The following SMARCA4 variants were observed in gnomAD, a reference collection of about 807,000 sequenced individuals.
SMARCA4 encodes the protein SWI/SNF-related matrix-associated actin-dependent regulator of chromatin subfamily A member 4.
SMARCA4 carries 31 observed loss-of-function variants against 193.9 expected under a neutral mutation model. The observed-to-expected ratio is 0.16, with a 90% CI of 0.12 to 0.22. The LOEUF (loss-of-function observed/expected upper bound fraction) is 0.22, where lower values mean the gene tolerates loss of function less well. Among genes scored for constraint, SMARCA4 ranks in the 10% least tolerant of loss-of-function variants. The pLI, the probability that SMARCA4 is intolerant of heterozygous loss-of-function variation, is 1.00. For synonymous variants in SMARCA4, 942 were observed against 933.1 expected, an observed-to-expected ratio of 1.01 and a Z score of -0.17; for missense variants, 1,148 against 2,296.0, an observed-to-expected ratio of 0.50 and a Z score of 10.22.
rs878854238 is a variant in SMARCA4 at position 10,986,531 on chromosome 19, G to C, written c.698G>C (p.Gly233Ala). The stretch of plus-strand genomic sequence containing the variant: ...GTGTCCGCAACAGGACCCGGCCCTG[G>C]CCCTGGCCCTGGCCCCGGCCCGGGT... ...PSVSATGPGP[G>A]PGPGPGPGPG... The change falls in exon 4 of 35, where the codon GGC becomes GCC. Residue 233 changes from glycine (G) to alanine (A), a missense_variant. This residue lies in a region of SMARCA4 where 257 missense variants were observed against 276.5 expected (regional missense o/e 0.93). Coordinates refer to ENST00000344626, the MANE Select transcript of SMARCA4 (RefSeq NM_003072.5). This position sits in a 1 kb window ranked among gnomAD's most constrained non-coding sequence, Gnocchi z 6.7. The C allele has an allele frequency of 6.5e-7, 1 of 1,541,504 alleles. No individual in the cohort carries two copies. The highest frequency in any genetic ancestry group is 2.0e-5 in the Admixed American group (1 of 50,916).
At chr19:11,046,956 A>G (rs908150993) in intron 30 of SMARCA4, among the ~76,000 whole-genome samples, 27 of 151,656 alleles carry the variant, frequency 1.8e-4, no homozygotes, top group African/African-American at 6.3e-4. Flanking sequence ...TGCAAAAAAA[A>G]AAAAAAAAAA....
At chr19:11,036,246 A>C (rs1233450065) in intron 29 of SMARCA4, among the ~76,000 whole-genome samples, 1 of 152,196 alleles carries the variant, frequency 6.6e-6, no homozygotes, top group African/African-American at 2.4e-5. Flanking sequence ...CCTGTGTGAC[A>C]GCAGAGCTGT....
At position 11,019,588 on chromosome 19, in the gene SMARCA4, C is replaced by T. The variant is rs1060502095; in HGVS notation, c.2506-3C>T. On this transcript the variant is annotated splice_polypyrimidine_tract_variant and splice_region_variant and intron_variant, in intron 17 of 34. Transcript: ENST00000344626. This position sits in a 1 kb window ranked among gnomAD's most constrained non-coding sequence, Gnocchi z 6.1. The stretch of plus-strand genomic sequence containing the variant: ...CGAGCTGTGCATCCTGCTTCCCTTG[C>T]AGGGATCCCCAGCAGCAAGACGGGC... 2.5e-6 allele frequency: 4 copies of T among 1,604,618 alleles called. No individual in the cohort carries two copies. Among genetic ancestry groups the T allele is most frequent in the Non-Finnish European group, 3.4e-6 (4 of 1,173,962 alleles).
At chr19:10,983,393 T>C (rs945979933) in intron 1 of SMARCA4, 1 of 152,130 alleles carries the variant, frequency 6.6e-6, no homozygotes, top group Non-Finnish European at 1.5e-5. Flanking sequence ...GCCATAAATA[T>C]CTGTTTTGGC....
chr19:10,994,121 C>T lies in SMARCA4; in HGVS notation c.1420-707C>T, dbSNP rs957382935. On this transcript the variant is annotated intron_variant, in intron 8 of 34. Transcript: ENST00000344626. ...GTGGTGCGATCTCAGCTCACTGCAACCTCTGTCTCCTGGATTCAAGCGATT... is the reference window on the plus strand; with the variant it reads ...GTGGTGCGATCTCAGCTCACTGCAATCTCTGTCTCCTGGATTCAAGCGATT... 6.6e-5 allele frequency among the ~76,000 whole-genome samples: 10 copies of T among 150,818 alleles called. No individual in the cohort carries two copies. The East Asian group carries it at 1.8e-3, about 27-fold the overall frequency.
At chr19:11,029,013 C>T (rs2090454858) in intron 24 of SMARCA4, among the ~76,000 whole-genome samples, 2 of 152,198 alleles carry the variant, frequency 1.3e-5, no homozygotes, top group Admixed American at 1.3e-4. Context: ...CCAGGTGCCA[C>T]CCGGAGTGTG....
rs755002376 is a variant in SMARCA4, at chr19:11,033,319, C to T, written c.3576C>T (p.Arg1192=). The T allele has an allele frequency of 1.2e-6, 2 of 1,613,080 alleles. No homozygotes were observed. Among genetic ancestry groups the T allele is most frequent in the South Asian group, 2.2e-5 (2 of 91,086 alleles). ...TGCAAGCGCAGGACCGAGCCCACCG[C>T]ATCGGGCAGCAGAACGAGGTGCGTG... ...QDLQAQDRAH[R]IGQQNEVRVL... The change falls in exon 26 of 35, where the codon CGC becomes CGT. Residue 1192 remains arginine (R), a synonymous_variant. Transcript: ENST00000344626. The surrounding 1 kb of genome is among the most constrained non-coding windows in gnomAD (Gnocchi z 9.8).
At chr19:11,022,756 A>C (rs1213620834) in intron 19 of SMARCA4, among the ~76,000 whole-genome samples, 1 of 152,146 alleles carries the variant, frequency 6.6e-6, no homozygotes, top group Non-Finnish European at 1.5e-5. Context: ...CTGCTGGTCA[A>C]GGCAGAGACT....
At position 11,058,161 on chromosome 19, in the gene SMARCA4, C is replaced by A; in HGVS notation, c.4425-94C>A. On this transcript the variant is annotated intron_variant, in intron 30 of 34. Transcript: ENST00000344626. The surrounding 1 kb of genome is among the most constrained non-coding windows in gnomAD (Gnocchi z 5.8). ...TAGCTCCTGAGCTGAGTTGGAATTT[C>A]TCATCCTTAAACAATGTGGGAACCT... The A allele has an allele frequency of 1.2e-6, 1 of 802,722 alleles. No homozygotes were observed. Among genetic ancestry groups the A allele is most frequent in the Non-Finnish European group, 2.2e-6 (1 of 462,392 alleles). 49.7% of individuals were successfully genotyped at this position (802,722 alleles called of 1,614,324 possible).
At chr19:10,994,318 GTTTTTTTTTTT>G (rs1006312137) in intron 8 of SMARCA4, among the ~76,000 whole-genome samples, 3 of 98,908 alleles carry the variant, frequency 3.0e-5, no homozygotes, top group African/African-American at 4.1e-5. Flanking sequence ...GATATTCTAG[GTTTTTTTTTTT>G]TTTTTTTTTT....
chr19:11,060,229 G>T, intron 34 of SMARCA4, 42 bp downstream of exon 34: 1 of 1,549,162 alleles, frequency 6.5e-7, no homozygotes, highest in Non-Finnish European at 8.7e-7. Flanking sequence ...GCATGTGGCA[G>T]GAGGCATCCC....
chr19:11,011,137 C>A (rs1307800292), intron 15 of SMARCA4: 1 of 173,316 alleles, frequency 5.8e-6, no homozygotes, highest in Non-Finnish European at 1.3e-5. Context: ...GGCCTGCCAT[C>A]CAGAGCTCAT....
rs562340365 is a variant in SMARCA4 at position 11,018,291 on chromosome 19, C to T, written c.2439-666C>T. ...CCCCTTTGGGACTCAGCTTTATTAC[C>T]GCCTCCACCCTCTCCTCAGTCTCTA... On this transcript the variant is annotated intron_variant, in intron 16 of 34. Coordinates refer to ENST00000344626, the MANE Select transcript of SMARCA4 (RefSeq NM_003072.5). 1.1e-4 allele frequency: 18 copies of T among 171,194 alleles called. No homozygotes were observed. In the East Asian group the frequency reaches 1.4e-3, roughly 14 times the overall value. 10.6% of individuals were successfully genotyped at this position (171,194 alleles called of 1,614,324 possible). A position where few individuals can be genotyped will look rare whatever the true frequency, so the allele number is the denominator to read the frequency against.
chr19:11,016,997 G>A (rs2089423247), intron 16 of SMARCA4, among the ~76,000 whole-genome samples: 1 of 152,054 alleles, frequency 6.6e-6, no homozygotes, highest in South Asian at 2.1e-4. Context: ...CTTCTGGGGT[G>A]TCATTGCTCC....
intron 19 of SMARCA4, among the ~76,000 whole-genome samples, chr19:11,022,712 C>T (rs2089967024): frequency 6.6e-6 from 1 of 152,232 alleles, no homozygotes; most frequent in Non-Finnish European, 1.5e-5. Context: ...CTGGGGCCTT[C>T]CTGGCCTCAT....
rs2089626579 is a variant in SMARCA4 at position 11,019,032 on chromosome 19, C to G, written c.2505+9C>G. 1 of 1,610,910 alleles carries G rather than the reference C, an allele frequency of 6.2e-7. No homozygotes were observed. The highest frequency in any genetic ancestry group is 8.5e-7 in the Non-Finnish European group (1 of 1,177,110). Reference sequence around the variant, plus strand: ...TGAAGGTGTCTTACAAGGTAGGTCACAGCCACTGAGGTTTCCTCTCTTGCT... The same window carrying G: ...TGAAGGTGTCTTACAAGGTAGGTCAGAGCCACTGAGGTTTCCTCTCTTGCT... On this transcript the variant is annotated intron_variant, in intron 17 of 34. Coordinates refer to ENST00000344626, the MANE Select transcript of SMARCA4 (RefSeq NM_003072.5). The surrounding 1 kb of genome is among the most constrained non-coding windows in gnomAD (Gnocchi z 6.1).
intron 1 of SMARCA4, among the ~76,000 whole-genome samples, chr19:10,975,184 C>G (rs1410430116): frequency 6.7e-6 from 1 of 150,096 alleles, no homozygotes; most frequent in Non-Finnish European, 1.5e-5. Context: ...CCCTGGCTGA[C>G]TTTTGTATTT....
chr19:11,042,298 T>G (rs1372568363), intron 30 of SMARCA4, among the ~76,000 whole-genome samples: 4 of 152,204 alleles, frequency 2.6e-5, no homozygotes, highest in Non-Finnish European at 5.9e-5. Context: ...TCTATATGGG[T>G]ACCATTTAAA....
Position 10,986,735 on chromosome 19 carries a change from C to T in SMARCA4, c.760+142C>T, listed in dbSNP as rs894407741. 1.3e-5 allele frequency: 17 copies of T among 1,350,996 alleles called. No homozygotes were observed. The highest frequency in any genetic ancestry group is 1.0e-4 in the East Asian group (4 of 40,104). The allele number at this position is 1,350,996 out of a possible 1,614,324, so 83.7% of individuals were successfully genotyped here. ...GGCCCATACTGCACTTCTGGGTGCT[C>T]GGGTGGTGGGGGCAGCTAAATGCTG... is the stretch of plus-strand genomic sequence containing the variant. On this transcript the variant is annotated intron_variant, in intron 4 of 34. Coordinates refer to ENST00000344626, the MANE Select transcript of SMARCA4 (RefSeq NM_003072.5). This position sits in a 1 kb window ranked among gnomAD's most constrained non-coding sequence, Gnocchi z 6.7.
Sources: allele counts gnomAD v4.1 joint callset (sites outside exome capture counted in the v4.1 genomes callset), GRCh38; gene constraint gnomAD v4.1.1; regional missense constraint gnomAD v4.1.1; non-coding constraint Gnocchi (gnomAD v3.1); transcripts MANE v1.5; gene names NCBI Gene and HGNC (gene_info 2026-07-23, HGNC 2026-07-21).